RUSC2: variants seen among roughly 807,000 people sequenced by gnomAD.
RUSC2 encodes RUN and SH3 domain containing 2, also known as AP-4 complex accessory subunit RUSC2.
Under a neutral mutation model 122.2 loss-of-function variants are expected in RUSC2, and 34 were observed. That is an observed-to-expected ratio of 0.28 (90% confidence interval 0.21 to 0.37). The LOEUF is 0.37. RUSC2 is among the 10% of genes least tolerant of loss of function. The pLI is 1.00. For synonymous variants in RUSC2, 784 were observed against 790.0 expected (o/e 0.99, Z 0.13); for missense variants, 1,747 against 1,952.4 (o/e 0.89, Z 1.98).
rs1442832927 is a variant in RUSC2 at position 35,559,257 on chromosome 9, C to T, written c.3373C>T (p.Leu1125Phe). Residue 1125 changes from leucine (L) to phenylalanine (F), a missense_variant, in exon 9 of 12, where the codon CTC (leucine) becomes TTC (phenylalanine). Leu to Phe is a conservative substitution (Grantham distance 22, BLOSUM62 0). Coordinates refer to ENST00000361226, the MANE Select transcript of RUSC2 (RefSeq NM_014806.5). ...GTCCCTGGAGTTCTGGTTTAATCAC[C>T]TCTATAACCACGAAGGTAATGCCTA... ...IRSLEFWFNH[L>F]YNHEDIIQTH... 1.9e-6 allele frequency: 3 copies of T among 1,613,376 alleles called. No homozygotes were observed. Among genetic ancestry groups the T allele is most frequent in the Non-Finnish European group, 2.5e-6 (3 of 1,179,402 alleles).
At position 35,559,234 on chromosome 9, in the gene RUSC2, C is replaced by A. The variant is rs141314822; in HGVS notation, c.3350C>A (p.Ser1117Tyr). The change falls in exon 9 of 12, where the codon TCC becomes TAC. Residue 1117 changes from serine (S) to tyrosine (Y), a missense_variant. Physicochemically the swap from Ser to Tyr is moderately radical, Grantham distance 144. Coordinates refer to ENST00000361226, the MANE Select transcript of RUSC2 (RefSeq NM_014806.5). ...CACCTGTCTCCCTACAGCATCCGGT[C>A]CCTGGAGTTCTGGTTTAATCACCTC... ...AFILGLLNIR[S>Y]LEFWFNHLYN... 6.2e-6 allele frequency: 10 copies of A among 1,613,196 alleles called. No homozygotes were observed. The African/African-American group carries it at 1.3e-4, about 22-fold the overall frequency.
intron 1 of RUSC2, among the ~76,000 whole-genome samples, chr9:35,497,418 A>C (rs866758912): frequency 6.6e-6 from 1 of 152,160 alleles, no homozygotes; most frequent in Admixed American, 6.5e-5. Flanking sequence ...TTGCAAACCC[A>C]TTTGGGTAGA....
chr9:35,528,352 C>T (rs1237229835), intron 1 of RUSC2, among the ~76,000 whole-genome samples: 6 of 151,710 alleles, frequency 4.0e-5, no homozygotes, highest in South Asian at 2.1e-4. Flanking sequence ...CCACTGCACT[C>T]CAGCCTGGGT....
intron 1 of RUSC2, among the ~76,000 whole-genome samples, chr9:35,523,620 G>T (rs1362056352): frequency 6.6e-6 from 1 of 151,996 alleles, no homozygotes; most frequent in African/African-American, 2.4e-5. Flanking sequence ...TTTGAGACCA[G>T]CCTGGGCAAC....
chr9:35,554,945 A>G, intron 2 of RUSC2, 115 bp from the exon 3 acceptor site: 2 of 1,236,980 alleles, frequency 1.6e-6, no homozygotes, highest in Middle Eastern at 1.9e-4. Flanking sequence ...ACCCCATTCA[A>G]TTCCTGCCAG....
chr9:35,549,088 C>G, intron 2 of RUSC2: 2 of 985,102 alleles, frequency 2.0e-6, no homozygotes, highest in Non-Finnish European at 2.4e-6. Flanking sequence ...GACTTAGAGG[C>G]TGACATATTG....
chr9:35,559,397 G>A lies in RUSC2; in HGVS notation c.3388+125G>A, dbSNP rs575032122. 9 of 836,482 alleles carry A rather than the reference G, an allele frequency of 1.1e-5. No individual in the cohort carries two copies. In the African/African-American group the frequency reaches 1.3e-4, roughly 12 times the overall value. The allele number at this position is 836,482 out of a possible 1,614,324, so 51.8% of individuals were successfully genotyped here. On this transcript the variant is annotated intron_variant, in intron 9 of 11. Transcript: ENST00000361226. ...GGGACCACACAAGCGTTCATCCTCAGAGCCTCAGGCTTCCACCCAAGGCCT... is the reference window on the plus strand; with the variant it reads ...GGGACCACACAAGCGTTCATCCTCAAAGCCTCAGGCTTCCACCCAAGGCCT...
intron 1 of RUSC2, among the ~76,000 whole-genome samples, chr9:35,535,639 C>T (rs1013839027): frequency 6.7e-6 from 1 of 150,316 alleles, no homozygotes; most frequent in Non-Finnish European, 1.5e-5. Flanking sequence ...CCTGGGTTCA[C>T]GCCATTCTCC....
intron 1 of RUSC2, among the ~76,000 whole-genome samples, chr9:35,523,834 AT>A (rs923320932): frequency 6.6e-6 from 1 of 151,770 alleles, no homozygotes; most frequent in Non-Finnish European, 1.5e-5. Flanking sequence ...AAAAAAAAAA[AT>A]AAAAATTTAA....
intron 1 of RUSC2, among the ~76,000 whole-genome samples, chr9:35,509,440 T>C (rs544420481): frequency 6.6e-6 from 1 of 152,366 alleles, no homozygotes; most frequent in South Asian, 2.1e-4. Context: ...AGTAGACCTG[T>C]ACCTACCCGT....
chr9:35,493,531 T>A (rs1478134859), intron 1 of RUSC2, among the ~76,000 whole-genome samples: 1 of 151,984 alleles, frequency 6.6e-6, no homozygotes, highest in Non-Finnish European at 1.5e-5. Flanking sequence ...TGAAACAGAG[T>A]CTCCCTCCAT....
rs780625368 is a variant in RUSC2 at position 35,547,686 on chromosome 9, CTTG to C, written c.1170_1172del (p.Val391del). 2.2e-5 allele frequency: 36 copies of C among 1,614,094 alleles called. No homozygotes were observed. In the Admixed American group the frequency reaches 4.0e-4, roughly 18 times the overall value. ...AGCCTGCTTCCAAAGCCAGGCCCGT[CTTG>C]TTGTGGCCACACAAAATTACTATAA... On this transcript the variant is annotated inframe_deletion, in exon 2 of 12. Transcript: ENST00000361226. The surrounding 1 kb of genome is among the most constrained non-coding windows in gnomAD (Gnocchi z 4.6).
intron 1 of RUSC2, among the ~76,000 whole-genome samples, chr9:35,536,354 T>C (rs1564257757): frequency 6.6e-6 from 1 of 152,192 alleles, no homozygotes; most frequent in African/African-American, 2.4e-5. Flanking sequence ...CAGAGAAGAC[T>C]TGATGGAGGA....
intron 2 of RUSC2, chr9:35,549,268 C>CA (rs1465770442): frequency 2.4e-5 from 22 of 923,632 alleles, no homozygotes; most frequent in South Asian, 5.0e-5. Context: ...ACAACAACAA[C>CA]ACACACACAC....
intron 1 of RUSC2, chr9:35,507,840 T>A (rs1316123611): frequency 4.7e-6 from 1 of 212,232 alleles, no homozygotes; most frequent in Non-Finnish European, 1.0e-5. Flanking sequence ...CACTTTGAAC[T>A]GGGAGGAGAT....
At position 35,560,403 on chromosome 9, in the gene RUSC2, G is replaced by A. The variant is rs140029001; in HGVS notation, c.3763G>A (p.Gly1255Arg). Residue 1255 changes from glycine to arginine, a missense_variant, in exon 10 of 12, where the codon GGG (glycine) becomes AGG (arginine). By Grantham distance (125) the Gly-to-Arg change is moderately radical. Transcript: ENST00000361226. ...EETEEVAEAA[G>R]GSGRARWARG... ...GACAGAAGAGGTGGCAGAGGCAGCCGGGGGCTCAGGGCGTGCCAGGTGGGC... is the reference window on the plus strand; with the variant it reads ...GACAGAAGAGGTGGCAGAGGCAGCCAGGGGCTCAGGGCGTGCCAGGTGGGC... 2.4e-5 allele frequency: 39 copies of A among 1,613,922 alleles called. No individual in the cohort carries two copies. Among genetic ancestry groups the A allele is most frequent in the African/African-American group, 6.7e-5 (5 of 74,950 alleles).
Position 35,546,161 on chromosome 9 carries a change from T to C in RUSC2, c.-92-269T>C, listed in dbSNP as rs943476314. ...AGGGAAAGTACTGCCCAAACCTTCA[T>C]ATGTGGCATTAGAAGGACTTGGCCT... On this transcript the variant is annotated intron_variant, in intron 1 of 11. Transcript: ENST00000361226. This position sits in a 1 kb window ranked among gnomAD's most constrained non-coding sequence, Gnocchi z 4.3. 6.6e-6 allele frequency among the ~76,000 whole-genome samples: 1 copy of C among 152,180 alleles called. No homozygotes were observed.
intron 1 of RUSC2, among the ~76,000 whole-genome samples, chr9:35,497,475 G>A (rs923492247): frequency 4.6e-5 from 7 of 152,058 alleles, no homozygotes; most frequent in African/African-American, 1.7e-4. Flanking sequence ...CCATGTATAA[G>A]AACATCACAA....
At chr9:35,549,282 G>C in intron 2 of RUSC2, 1 of 925,050 alleles carries the variant, frequency 1.1e-6, no homozygotes. Context: ...CACACACTGG[G>C]CGTCAGTGAA....
Sources: allele counts gnomAD v4.1 joint callset (sites outside exome capture counted in the v4.1 genomes callset), GRCh38; gene constraint gnomAD v4.1.1; non-coding constraint Gnocchi (gnomAD v3.1); transcripts MANE v1.5; gene names NCBI Gene and HGNC (gene_info 2026-07-23, HGNC 2026-07-21).